The following SIRPD variants were observed in gnomAD, a reference collection of about 807,000 sequenced individuals.
SIRPD encodes signal-regulatory protein delta.
A neutral mutation model predicts 18.0 loss-of-function variants in SIRPD; 21 were observed. The observed-to-expected ratio is 1.17, with a 90% CI of 0.83 to 1.68. The LOEUF (loss-of-function observed/expected upper bound fraction) is 1.68. SIRPD is among the 40% of genes most tolerant of loss of function. SIRPD has a pLI of 0.00. For missense variants in SIRPD, 295 were observed against 238.4 expected (o/e 1.24, Z -1.56); for synonymous variants, 106 against 92.9 (o/e 1.14, Z -0.81).
chr20:1,548,166 G>A (rs1186402585), intron 2 of SIRPD, among the ~76,000 whole-genome samples: 2 of 152,158 alleles, frequency 1.3e-5, no homozygotes, highest in Non-Finnish European at 2.9e-5. Context: ...ACTGGGGACA[G>A]CATCTAACCA....
intron 2 of SIRPD, among the ~76,000 whole-genome samples, chr20:1,544,639 T>A: frequency 6.6e-6 from 1 of 152,174 alleles, no homozygotes; most frequent in Admixed American, 6.5e-5. Context: ...TATTGTTATG[T>A]GTGAATTCGA....
chr20:1,536,557 C>T (rs188439778), intron 3 of SIRPD, among the ~76,000 whole-genome samples: 1 of 152,202 alleles, frequency 6.6e-6, no homozygotes, highest in Non-Finnish European at 1.5e-5. Flanking sequence ...GAGAAACACC[C>T]GCATCAAGAA....
At chr20:1,546,274 G>A (rs2090993316) in intron 2 of SIRPD, among the ~76,000 whole-genome samples, 1 of 152,222 alleles carries the variant, frequency 6.6e-6, no homozygotes, top group African/African-American at 2.4e-5. Flanking sequence ...TTATCTATAA[G>A]CCCCTGACTG....
chr20:1,545,752 A>G (rs926703930), intron 2 of SIRPD, among the ~76,000 whole-genome samples: 1 of 151,916 alleles, frequency 6.6e-6, no homozygotes, highest in Non-Finnish European at 1.5e-5. Context: ...ATTTTCATGG[A>G]TTTATCTACC....
chr20:1,537,912 A>T (rs2090954585), intron 2 of SIRPD, among the ~76,000 whole-genome samples: 2 of 152,138 alleles, frequency 1.3e-5, no homozygotes, highest in African/African-American at 4.8e-5. Context: ...TAGTGTGCTC[A>T]TACTGCAGGA....
intron 3 of SIRPD, 77 bp downstream of exon 3, chr20:1,537,078 C>T: frequency 6.5e-7 from 1 of 1,530,538 alleles, no homozygotes; most frequent in East Asian, 2.3e-5. Context: ...CGCCCCACTG[C>T]AGGTGGCGAA....
chr20:1,545,432 A>G (rs2090989464), intron 2 of SIRPD, among the ~76,000 whole-genome samples: 1 of 152,046 alleles, frequency 6.6e-6, no homozygotes, highest in Non-Finnish European at 1.5e-5. Context: ...TGTATGCTTC[A>G]TGAAGTTCTC....
chr20:1,539,480 C>G (rs1235584430), intron 2 of SIRPD, among the ~76,000 whole-genome samples: 1 of 152,166 alleles, frequency 6.6e-6, no homozygotes, highest in Non-Finnish European at 1.5e-5. Context: ...TCAATTACAT[C>G]AAATTTGTTA....
chr20:1,541,711 C>T (rs2090972191), intron 2 of SIRPD, among the ~76,000 whole-genome samples: 1 of 152,122 alleles, frequency 6.6e-6, no homozygotes. Context: ...AAAGTCTTTG[C>T]CCATGCCTAT....
At chr20:1,549,418 C>T (rs1160890272) in intron 2 of SIRPD, among the ~76,000 whole-genome samples, 8 of 148,320 alleles carry the variant, frequency 5.4e-5, no homozygotes, top group Non-Finnish European at 9.0e-5. Flanking sequence ...GTTTTCTGTT[C>T]TATTGCATGT....
chr20:1,540,799 C>T (rs746055123), intron 2 of SIRPD, among the ~76,000 whole-genome samples: 9 of 152,182 alleles, frequency 5.9e-5, no homozygotes, highest in Admixed American at 1.3e-4. Flanking sequence ...TGTCCCCCAC[C>T]ACCCAACAGG....
chr20:1,553,889 G>C (rs1047684528), intron 1 of SIRPD: 5 of 152,530 alleles, frequency 3.3e-5, no homozygotes, highest in Non-Finnish European at 7.3e-5. Flanking sequence ...CATGGTGAAG[G>C]GTTTTAAAGA....
chr20:1,551,277 C>T (rs2091017648), intron 2 of SIRPD, among the ~76,000 whole-genome samples: 1 of 152,190 alleles, frequency 6.6e-6, no homozygotes, highest in South Asian at 2.1e-4. Flanking sequence ...TGGAGCAACA[C>T]AGTTGCTTGT....
chr20:1,540,848 C>T (rs572970959), intron 2 of SIRPD, among the ~76,000 whole-genome samples: 8 of 152,072 alleles, frequency 5.3e-5, no homozygotes, highest in Admixed American at 2.0e-4. Flanking sequence ...GCCCATATGT[C>T]CTCGTTGTTC....
rs1178640624 is a variant in SIRPD at position 1,551,899 on chromosome 20, G to A, written c.213C>T (p.Asn71=). The A allele has an allele frequency of 6.2e-7, 1 of 1,614,056 alleles. No homozygotes were observed. Residue 71 remains asparagine (N), a synonymous_variant, in exon 2 of 4, where the codon AAC becomes AAT. Transcript: ENST00000381623. ...GTTTGAAATTGTAGATTAATTTCCG[G>A]TTTGGCCCTGTTCCCTTGAACCACA... ...PVLWFKGTGP[N]RKLIYNFKQG...
chr20:1,547,135 G>A (rs73076994), intron 2 of SIRPD, among the ~76,000 whole-genome samples: 2,013 of 152,154 alleles, frequency 0.013, 15 homozygotes, highest in Middle Eastern at 0.02. Flanking sequence ...TATTATAAAA[G>A]CTTTATAGGT....
intron 2 of SIRPD, among the ~76,000 whole-genome samples, chr20:1,540,930 G>A (rs2090968322): frequency 6.6e-6 from 1 of 152,080 alleles, no homozygotes; most frequent in Non-Finnish European, 1.5e-5. Context: ...GAGAATGATG[G>A]TTTCAGCTTC....
intron 2 of SIRPD, among the ~76,000 whole-genome samples, chr20:1,546,456 T>C (rs941709747): frequency 6.6e-6 from 1 of 152,258 alleles, no homozygotes; most frequent in Non-Finnish European, 1.5e-5. Flanking sequence ...TATTCCACTG[T>C]ATGTATAGAT....
At chr20:1,550,371 G>A (rs577010444) in intron 2 of SIRPD, among the ~76,000 whole-genome samples, 1 of 152,336 alleles carries the variant, frequency 6.6e-6, no homozygotes, top group Admixed American at 6.5e-5. Flanking sequence ...AGGTTGGTAG[G>A]AAGAAGCTGT....
Sources: gnomAD v4.1 joint callset for allele counts (sites outside exome capture counted in the v4.1 genomes callset) on GRCh38, gnomAD v4.1.1 for gene constraint, MANE v1.5 for transcripts, NCBI Gene and HGNC (gene_info 2026-07-23, HGNC 2026-07-21) for gene names.